OCA2: variants seen among roughly 807,000 people sequenced by gnomAD.
OCA2 encodes P protein.
OCA2 carries 77 observed loss-of-function variants against 100.2 expected under a neutral mutation model. The ratio of observed to expected loss-of-function variants is 0.77; its 90% CI spans 0.64 to 0.93. OCA2 has a LOEUF of 0.93. Among genes scored for constraint, OCA2 ranks in the 40% least tolerant of loss-of-function variants. The probability of loss-of-function intolerance (pLI) is 0.00; values close to 1 mark genes in which losing one functional copy is unlikely to be tolerated. For missense variants in OCA2, 1,062 were observed against 1,089.1 expected, an observed-to-expected ratio of 0.98 and a Z score of 0.35; for synonymous variants, 432 against 439.2, an observed-to-expected ratio of 0.98 and a Z score of 0.21.
chr15:27,947,254 C>T (rs2039871295), intron 18 of OCA2, among the ~76,000 whole-genome samples: 1 of 152,212 alleles, frequency 6.6e-6, no homozygotes, highest in South Asian at 2.1e-4. Context: ...GAAAGCTCTC[C>T]CTTGGCCCCT....
chr15:27,942,794 T>C (rs1293615838), intron 18 of OCA2, among the ~76,000 whole-genome samples: 1 of 152,194 alleles, frequency 6.6e-6, no homozygotes, highest in African/African-American at 2.4e-5. Flanking sequence ...CAGCTAATTA[T>C]TCTAATTGAC....
At chr15:28,047,201 G>C (rs1379110015) in intron 2 of OCA2, among the ~76,000 whole-genome samples, 1 of 151,936 alleles carries the variant, frequency 6.6e-6, no homozygotes, top group Non-Finnish European at 1.5e-5. Flanking sequence ...CCAAAAATAA[G>C]CCCACAGTCA....
At chr15:28,046,473 A>G (rs1185298321) in intron 2 of OCA2, among the ~76,000 whole-genome samples, 1 of 152,146 alleles carries the variant, frequency 6.6e-6, no homozygotes, top group Non-Finnish European at 1.5e-5. Context: ...ATCAGCCACA[A>G]GGGTCTTTCT....
intron 9 of OCA2, among the ~76,000 whole-genome samples, chr15:28,003,092 C>G (rs530346757): frequency 1.3e-5 from 2 of 152,348 alleles, no homozygotes; most frequent in African/African-American, 4.8e-5. Context: ...GCGTCAGCCA[C>G]GCACGGACTG....
At chr15:27,760,881 A>G (rs1055581800) in intron 23 of OCA2, among the ~76,000 whole-genome samples, 4 of 152,140 alleles carry the variant, frequency 2.6e-5, no homozygotes, top group Non-Finnish European at 2.9e-5. Context: ...AAATGCTTCC[A>G]GAAAATAAAA....
At chr15:27,991,705 T>C (rs1160247998) in intron 9 of OCA2, among the ~76,000 whole-genome samples, 1 of 152,172 alleles carries the variant, frequency 6.6e-6, no homozygotes, top group Non-Finnish European at 1.5e-5. Flanking sequence ...ATTAATGGTA[T>C]TTAAATTATA....
chr15:27,917,095 C>G (rs984430989), intron 19 of OCA2, among the ~76,000 whole-genome samples: 2 of 152,044 alleles, frequency 1.3e-5, no homozygotes, highest in African/African-American at 4.8e-5. Context: ...GAGAGTTTGC[C>G]TAGGACCTCT....
intron 2 of OCA2, among the ~76,000 whole-genome samples, chr15:28,074,006 A>G (rs2044347476): frequency 1.7e-5 from 1 of 60,272 alleles, no homozygotes; most frequent in Non-Finnish European, 2.4e-5. Flanking sequence ...ACAGACAGAC[A>G]CACACACACA....
At chr15:27,845,095 G>T in intron 22 of OCA2, 43 bp from the exon 23 acceptor site, 1 of 1,403,254 alleles carries the variant, frequency 7.1e-7, no homozygotes, top group Non-Finnish European at 1.0e-6. Flanking sequence ...TCATCTTGGT[G>T]GTAAGCTTCT....
intron 21 of OCA2, among the ~76,000 whole-genome samples, chr15:27,869,446 GTGGTGAACATA>G (rs1324308851): frequency 1.3e-5 from 2 of 152,234 alleles, no homozygotes; most frequent in Non-Finnish European, 2.9e-5. Context: ...CTCACTTTCT[GTGGTGAACATA>G]TGGATATTTG....
chr15:28,018,672 G>GC (rs1234669978), intron 6 of OCA2, 115 bp from the exon 7 acceptor site: 1 of 976,168 alleles, frequency 1.0e-6, no homozygotes, highest in Non-Finnish European at 1.6e-6. Flanking sequence ...TTCCCCAGGT[G>GC]CCCCACGCCC....
At chr15:27,977,614 A>G (rs2041011478) in intron 14 of OCA2, among the ~76,000 whole-genome samples, 3 of 152,182 alleles carry the variant, frequency 2.0e-5, no homozygotes, top group Non-Finnish European at 4.4e-5. Context: ...TTTTCACTAT[A>G]ATTCAACACA....
At chr15:27,754,338 G>A (rs989918458), downstream of OCA2, among the ~76,000 whole-genome samples, 2 of 152,194 alleles carry the variant, frequency 1.3e-5, no homozygotes, top group African/African-American at 4.8e-5. Flanking sequence ...CTCCTGCCTT[G>A]CAGTTCTTAG....
intron 23 of OCA2, among the ~76,000 whole-genome samples, chr15:27,844,239 G>A (rs774785606): frequency 1.3e-5 from 2 of 152,150 alleles, no homozygotes; most frequent in Admixed American, 6.5e-5. Context: ...GTCCTCCTGA[G>A]AGGTGCCCAC....
At chr15:28,051,074 G>C (rs1029886050) in intron 2 of OCA2, among the ~76,000 whole-genome samples, 2 of 152,202 alleles carry the variant, frequency 1.3e-5, no homozygotes, top group African/African-American at 4.8e-5. Context: ...CTGCCTGGAG[G>C]CCTCTGGAGC....
chr15:27,981,472 A>G (rs1224314206), intron 14 of OCA2, among the ~76,000 whole-genome samples: 1 of 152,200 alleles, frequency 6.6e-6, no homozygotes, highest in Non-Finnish European at 1.5e-5. Context: ...GATGCAGTTA[A>G]AATACTTAGA....
the OCA2 span, among the ~76,000 whole-genome samples, chr15:27,730,546 G>A: frequency 4.0e-5 from 6 of 151,784 alleles, no homozygotes; most frequent in African/African-American, 1.5e-4. Flanking sequence ...TCCCAAGGTT[G>A]GGGGCTGGAC....
the OCA2 span, among the ~76,000 whole-genome samples, chr15:27,748,602 T>G: frequency 6.6e-6 from 1 of 152,184 alleles, no homozygotes; most frequent in Admixed American, 6.5e-5. Flanking sequence ...CATAATGTCC[T>G]AATAGCCAGT....
intron 23 of OCA2, among the ~76,000 whole-genome samples, chr15:27,769,866 C>T (rs1478306863): frequency 2.7e-5 from 2 of 74,648 alleles, no homozygotes; most frequent in East Asian, 5.2e-4. Context: ...CCCAGCACCT[C>T]GGCCTGTGTG....
Sources: gnomAD v4.1 joint callset for allele counts (sites outside exome capture counted in the v4.1 genomes callset) on GRCh38, gnomAD v4.1.1 for gene constraint, MANE v1.5 for transcripts, NCBI Gene and HGNC (gene_info 2026-07-23, HGNC 2026-07-21) for gene names.